RAP1GAP2: variants seen among roughly 807,000 people sequenced by gnomAD.
RAP1GAP2 encodes the protein rap1 GTPase-activating protein 2.
RAP1GAP2 carries 27 observed loss-of-function variants against 95.0 expected under a neutral mutation model. The observed-to-expected ratio is 0.28, with a 90% CI of 0.21 to 0.39. The LOEUF (loss-of-function observed/expected upper bound fraction) is 0.39. Ranked by LOEUF, RAP1GAP2 falls within the 10% of genes least tolerant of loss-of-function variation. The pLI, the probability that RAP1GAP2 is intolerant of heterozygous loss-of-function variation, is 1.00. For synonymous variants in RAP1GAP2, 373 were observed against 380.9 expected, an observed-to-expected ratio of 0.98 and a Z score of 0.24; for missense variants, 771 against 970.0, an observed-to-expected ratio of 0.79 and a Z score of 2.72.
intron 20 of RAP1GAP2, 79 bp downstream of exon 20, chr17:3,026,200 A>G (rs1006186040): frequency 3.7e-5 from 50 of 1,337,754 alleles, no homozygotes; most frequent in Non-Finnish European, 5.1e-5. Context: ...TGGCCAGCTG[A>G]GAGTGGCCAT....
intron 3 of RAP1GAP2, among the ~76,000 whole-genome samples, chr17:2,952,744 T>C (rs2151461226): frequency 6.6e-6 from 1 of 152,300 alleles, no homozygotes; most frequent in African/African-American, 2.4e-5. Context: ...TTTGTTTCCA[T>C]GTGTTCATTG....
intron 3 of RAP1GAP2, among the ~76,000 whole-genome samples, chr17:2,921,823 C>T (rs905579240): frequency 6.6e-5 from 10 of 152,266 alleles, no homozygotes; most frequent in Admixed American, 2.6e-4. Flanking sequence ...CCTCTTCCAG[C>T]GCCTGGTGGC....
intron 2 of RAP1GAP2, among the ~76,000 whole-genome samples, chr17:2,832,557 CAAAA>C (rs35663343): frequency 3.9e-5 from 3 of 76,724 alleles, no homozygotes; most frequent in East Asian, 4.0e-4. Flanking sequence ...GACTCCATCT[CAAAA>C]AAAAAAAAAA....
chr17:2,894,856 G>C (rs954739085), intron 2 of RAP1GAP2, among the ~76,000 whole-genome samples: 2 of 152,038 alleles, frequency 1.3e-5, no homozygotes, highest in African/African-American at 4.8e-5. Context: ...CCTCGGCCCC[G>C]TTTCGGTCTT....
intron 2 of RAP1GAP2, among the ~76,000 whole-genome samples, chr17:2,862,235 G>A (rs985521221): frequency 9.2e-5 from 14 of 152,188 alleles, no homozygotes; most frequent in African/African-American, 2.9e-4. Flanking sequence ...TGGAACTGCC[G>A]CCTGATTGGC....
chr17:2,856,248 A>C (rs1199825056), intron 2 of RAP1GAP2, among the ~76,000 whole-genome samples: 2 of 152,076 alleles, frequency 1.3e-5, no homozygotes, highest in Admixed American at 1.3e-4. Flanking sequence ...CCTGATTCTG[A>C]GTATAGAATG....
At chr17:2,913,773 A>G (rs896412140) in intron 3 of RAP1GAP2, among the ~76,000 whole-genome samples, 2 of 152,204 alleles carry the variant, frequency 1.3e-5, no homozygotes, top group African/African-American at 2.4e-5. Flanking sequence ...GCAACCCCAG[A>G]AAGTTCCCAT....
At chr17:2,816,498 T>A (rs756146921) in intron 2 of RAP1GAP2, among the ~76,000 whole-genome samples, 7 of 151,900 alleles carry the variant, frequency 4.6e-5, no homozygotes, top group Non-Finnish European at 8.8e-5. Flanking sequence ...ACACCACACC[T>A]GGCTAATTTT....
Position 2,870,407 on chromosome 17 carries a change from G to A in RAP1GAP2, c.81-34877G>A, listed in dbSNP as rs1392521481. 2.6e-5 allele frequency among the ~76,000 whole-genome samples: 4 copies of A among 152,172 alleles called. No individual in the cohort carries two copies. The highest frequency in any genetic ancestry group is 5.9e-5 in the Non-Finnish European group (4 of 68,016). On this transcript the variant is annotated intron_variant, in intron 2 of 24. Transcript: ENST00000254695. The surrounding 1 kb of genome is among the most constrained non-coding windows in gnomAD (Gnocchi z 4.4). ...GCTGGGATTACAGGCATGAGCCACC[G>A]TGCCCTGCCTGACAATCTGGTTTTT...
At chr17:2,776,691 G>C (rs376337322), upstream of RAP1GAP2, among the ~76,000 whole-genome samples, 2 of 149,648 alleles carry the variant, frequency 1.3e-5, no homozygotes, top group African/African-American at 4.9e-5. Context: ...CCGGCTGCGC[G>C]TGCGCGGCGG....
At chr17:2,998,128 C>T (rs536050104) in intron 13 of RAP1GAP2, 93 bp from the exon 14 acceptor site, 3 of 1,378,082 alleles carry the variant, frequency 2.2e-6, no homozygotes, top group African/African-American at 2.9e-5. Context: ...TTCAGTTTTC[C>T]TGTGTGCAAA....
intron 3 of RAP1GAP2, among the ~76,000 whole-genome samples, chr17:2,954,779 A>C (rs1017044581): frequency 2.6e-5 from 4 of 151,700 alleles, no homozygotes; most frequent in Non-Finnish European, 4.4e-5. Context: ...TTTTTAGTAG[A>C]GACGGGGTTT....
At chr17:2,846,491 A>G (rs1259670638) in intron 2 of RAP1GAP2, among the ~76,000 whole-genome samples, 1 of 151,554 alleles carries the variant, frequency 6.6e-6, no homozygotes, top group Non-Finnish European at 1.5e-5. Context: ...GCTCACTGCA[A>G]CCTCCGCCTC....
At chr17:2,912,663 G>C (rs1456984147) in intron 3 of RAP1GAP2, among the ~76,000 whole-genome samples, 1 of 152,128 alleles carries the variant, frequency 6.6e-6, no homozygotes, top group Non-Finnish European at 1.5e-5. Context: ...CTGAAGCTCT[G>C]TGGGTCCTGG....
chr17:2,863,259 T>G (rs923146995), intron 2 of RAP1GAP2, among the ~76,000 whole-genome samples: 6 of 152,174 alleles, frequency 3.9e-5, no homozygotes, highest in Non-Finnish European at 7.3e-5. Flanking sequence ...AGTGGGAACC[T>G]GGAGCAGACG....
intron 4 of RAP1GAP2, among the ~76,000 whole-genome samples, chr17:2,960,558 G>T (rs991708835): frequency 9.2e-5 from 14 of 152,238 alleles, no homozygotes; most frequent in Admixed American, 2.6e-4. Flanking sequence ...TCCACAGAGT[G>T]TGGGGTACGT....
Position 2,816,778 on chromosome 17 carries a change from G to A in RAP1GAP2, c.80+16228G>A, listed in dbSNP as rs905662883. 3.3e-5 allele frequency among the ~76,000 whole-genome samples: 4 copies of A among 120,212 alleles called. 1 individual carries two copies. Among genetic ancestry groups the A allele is most frequent in the African/African-American group, 1.1e-4 (4 of 36,278 alleles). 78.9% of individuals were successfully genotyped at this position (120,212 alleles called of 152,430 possible). ...TTTCATCATCCCAAACTGAAACTTC[G>A]TATACATTAAATAATAACTCCCTAT... On this transcript the variant is annotated intron_variant, in intron 2 of 24. Coordinates refer to ENST00000254695, the MANE Select transcript of RAP1GAP2 (RefSeq NM_015085.5).
rs529837256 is a variant in RAP1GAP2, at chr17:3,023,777, G to A, written c.1752-2231G>A. Among the ~76,000 whole-genome samples, 5 of 152,140 alleles carry A rather than the reference G, an allele frequency of 3.3e-5. No individual in the cohort carries two copies. The East Asian group carries it at 5.8e-4, about 18-fold the overall frequency. ...AGGTTTTAAGCCCTGCATGCATTAG[G>A]TATGTGTCCTAATGCTTTCCCTCCC... is the stretch of plus-strand genomic sequence containing the variant. On this transcript the variant is annotated intron_variant, in intron 19 of 24. Transcript: ENST00000254695.
chr17:2,891,972 T>A (rs1018847627), intron 2 of RAP1GAP2, among the ~76,000 whole-genome samples: 3 of 151,676 alleles, frequency 2.0e-5, no homozygotes, highest in African/African-American at 4.8e-5. Flanking sequence ...TACAGTCATG[T>A]GCCACCATGC....
Sources: gnomAD v4.1 joint callset for allele counts (sites outside exome capture counted in the v4.1 genomes callset) on GRCh38, gnomAD v4.1.1 for gene constraint, Gnocchi (gnomAD v3.1) non-coding constraint, MANE v1.5 for transcripts, NCBI Gene and HGNC (gene_info 2026-07-23, HGNC 2026-07-21) for gene names.